The following NTM variants were observed in gnomAD, a reference collection of about 807,000 sequenced individuals.
NTM encodes IgLON family member 2.
In NTM, 13 loss-of-function variants were observed where a neutral mutation model predicts 42.1. The observed-to-expected ratio is 0.31, with a 90% confidence interval of 0.20 to 0.49. The LOEUF (loss-of-function observed/expected upper bound fraction) is 0.49. Ranked by LOEUF, NTM falls within the 20% of genes least tolerant of loss-of-function variation. The pLI is 0.99. For missense variants in NTM, 373 were observed against 452.8 expected, an observed-to-expected ratio of 0.82 and a Z score of 1.60; for synonymous variants, 187 against 179.2, an observed-to-expected ratio of 1.04 and a Z score of -0.35.
At chr11:131,545,906 G>A (rs1050593124) in intron 1 of NTM, among the ~76,000 whole-genome samples, 3 of 152,290 alleles carry the variant, frequency 2.0e-5, no homozygotes, top group Middle Eastern at 6.8e-3. Context: ...GGCTGGGAGG[G>A]TTACAGTGAC....
At chr11:131,563,813 T>C (rs1178329231) in intron 1 of NTM, among the ~76,000 whole-genome samples, 1 of 152,102 alleles carries the variant, frequency 6.6e-6, no homozygotes, top group East Asian at 1.9e-4. Flanking sequence ...TTTCTCCTTT[T>C]TGATTTTCTG....
At chr11:132,013,281 G>T (rs1214941207) in intron 2 of NTM, among the ~76,000 whole-genome samples, 3 of 152,028 alleles carry the variant, frequency 2.0e-5, no homozygotes, top group Non-Finnish European at 4.4e-5. Flanking sequence ...AAACCTAAAA[G>T]AAAAGATTTT....
intron 1 of NTM, among the ~76,000 whole-genome samples, chr11:131,833,690 C>T (rs71483688): frequency 0.013 from 1,992 of 152,238 alleles, 20 homozygotes; most frequent in Non-Finnish European, 0.02. Flanking sequence ...TTAACCCTGC[C>T]GTGTTTTCCA....
At chr11:132,225,269 G>T (rs1442784404) in intron 4 of NTM, among the ~76,000 whole-genome samples, 2 of 151,880 alleles carry the variant, frequency 1.3e-5, no homozygotes, top group African/African-American at 4.8e-5. Context: ...AAATAAATAT[G>T]CAACCCAATG....
chr11:132,209,052 T>C (rs2082424599), intron 3 of NTM, among the ~76,000 whole-genome samples: 2 of 151,860 alleles, frequency 1.3e-5, no homozygotes, highest in Admixed American at 6.6e-5. Flanking sequence ...GGGAAGGAGG[T>C]GGCTGGTGCA....
At chr11:131,683,457 T>A (rs1478456667) in intron 1 of NTM, among the ~76,000 whole-genome samples, 1 of 152,184 alleles carries the variant, frequency 6.6e-6, no homozygotes, top group Admixed American at 6.5e-5. Flanking sequence ...CCAGAAGGAA[T>A]CTGACCAGGT....
intron 1 of NTM, among the ~76,000 whole-genome samples, chr11:131,560,143 C>A (rs2056032630): frequency 6.6e-6 from 1 of 152,186 alleles, no homozygotes; most frequent in Admixed American, 6.5e-5. Flanking sequence ...AGTTTTGAAC[C>A]AATCCTGTGA....
intron 2 of NTM, among the ~76,000 whole-genome samples, chr11:131,979,616 C>G (rs543901213): frequency 6.6e-6 from 1 of 152,290 alleles, no homozygotes; most frequent in Admixed American, 6.5e-5. Flanking sequence ...AATTCATTGT[C>G]TGGTAATCCA....
At chr11:131,451,698 C>G (rs985370853) in intron 1 of NTM, among the ~76,000 whole-genome samples, 2 of 152,158 alleles carry the variant, frequency 1.3e-5, no homozygotes, top group Non-Finnish European at 2.9e-5. Flanking sequence ...CAGGGAGGCT[C>G]TAGCGGCAGA....
At chr11:131,399,830 T>C (rs116386756) in intron 1 of NTM, among the ~76,000 whole-genome samples, 34 of 152,300 alleles carry the variant, frequency 2.2e-4, no homozygotes, top group African/African-American at 7.9e-4. Flanking sequence ...TCCTCCAGCA[T>C]AGAAATTGAT....
intron 1 of NTM, among the ~76,000 whole-genome samples, chr11:131,763,420 G>A (rs1357097009): frequency 6.6e-6 from 1 of 152,186 alleles, no homozygotes; most frequent in South Asian, 2.1e-4. Context: ...GGTCGTTGAA[G>A]AGTAGTTATA....
At position 131,385,541 on chromosome 11, in the gene NTM, G is replaced by A. The variant is rs530310751; in HGVS notation, c.82+14653G>A. 1.8e-4 allele frequency among the ~76,000 whole-genome samples: 27 copies of A among 151,814 alleles called. 1 individual carries two copies. The South Asian group carries it at 5.2e-3, about 29-fold the overall frequency. On this transcript the variant is annotated intron_variant, in intron 1 of 8. Coordinates refer to ENST00000683400, the MANE Select transcript of NTM (RefSeq NM_001352005.2). The stretch of plus-strand genomic sequence containing the variant: ...TAAAGTGATGCAACCACAGTGGAAA[G>A]AGTTTGGGGGTTTCTCAAAAAGCTA...
intron 3 of NTM, among the ~76,000 whole-genome samples, chr11:132,182,019 C>T (rs756466943): frequency 2.0e-5 from 3 of 149,700 alleles, no homozygotes; most frequent in Non-Finnish European, 4.4e-5. Context: ...TGTTCCGATT[C>T]TGGGTAGTAG....
intron 2 of NTM, among the ~76,000 whole-genome samples, chr11:131,964,331 C>T (rs11607168): frequency 1.3e-5 from 2 of 152,080 alleles, no homozygotes; most frequent in Non-Finnish European, 2.9e-5. Flanking sequence ...CCCCAGACTT[C>T]TAATTCACAG....
At chr11:131,469,503 C>G (rs1347530309) in intron 1 of NTM, among the ~76,000 whole-genome samples, 1 of 152,178 alleles carries the variant, frequency 6.6e-6, no homozygotes, top group East Asian at 1.9e-4. Context: ...ACTGCCATCA[C>G]AGATAGACAG....
At chr11:132,013,773 T>G (rs1298280155) in intron 2 of NTM, among the ~76,000 whole-genome samples, 1 of 152,180 alleles carries the variant, frequency 6.6e-6, no homozygotes, top group Admixed American at 6.5e-5. Context: ...TATTTGTTCA[T>G]GTTTATGTGA....
intron 8 of NTM, 64 bp downstream of exon 8, chr11:132,330,249 T>A: frequency 6.6e-7 from 1 of 1,521,266 alleles, no homozygotes; most frequent in Non-Finnish European, 8.9e-7. Flanking sequence ...CTCTTCACCT[T>A]CCTCCCAGAT....
chr11:132,015,175 C>A (rs1300378760), intron 2 of NTM, among the ~76,000 whole-genome samples: 1 of 151,862 alleles, frequency 6.6e-6, no homozygotes, highest in Non-Finnish European at 1.5e-5. Flanking sequence ...ATGTTTGTGG[C>A]AACTTTGTCA....
Position 131,834,033 on chromosome 11 carries a change from T to A in NTM, c.83-77531T>A, listed in dbSNP as rs77503546. ...ATAGCCTCATGGCATGAGGATGAGG[T>A]GGAGGTAGGGAGAACATCTGGCATA... On this transcript the variant is annotated intron_variant, in intron 1 of 8. Transcript: ENST00000683400. Among the ~76,000 whole-genome samples the A allele has an allele frequency of 2.4e-3, 364 of 152,238 alleles. 1 individual carries two copies. The highest frequency in any genetic ancestry group is 8.5e-3 in the African/African-American group (351 of 41,538).
Sources: allele counts gnomAD v4.1 joint callset (sites outside exome capture counted in the v4.1 genomes callset), GRCh38; gene constraint gnomAD v4.1.1; transcripts MANE v1.5; gene names NCBI Gene and HGNC (gene_info 2026-07-23, HGNC 2026-07-21).